STK24: variants seen among roughly 807,000 people sequenced by gnomAD.
STK24 encodes the protein serine/threonine-protein kinase 24.
Under a neutral mutation model 55.6 loss-of-function variants are expected in STK24, and 21 were observed. The observed-to-expected ratio is 0.38, with a 90% CI of 0.27 to 0.54. The LOEUF is 0.54. STK24 is among the 20% of genes least tolerant of loss of function. The probability of loss-of-function intolerance (pLI) is 0.79; values close to 1 mark genes in which losing one functional copy is unlikely to be tolerated. For missense variants in STK24, 383 were observed against 538.4 expected (o/e 0.71, Z 2.86); for synonymous variants, 200 against 215.2 (o/e 0.93, Z 0.62).
intron 2 of STK24, among the ~76,000 whole-genome samples, chr13:98,490,681 T>C (rs1894989932): frequency 6.6e-6 from 1 of 152,008 alleles, no homozygotes; most frequent in Admixed American, 6.6e-5. Flanking sequence ...CAGCCAGCAG[T>C]GACAGCTTCC....
intron 3 of STK24, among the ~76,000 whole-genome samples, chr13:98,478,210 C>T (rs144377908): frequency 2.2e-3 from 341 of 152,328 alleles, no homozygotes; most frequent in Non-Finnish European, 3.4e-3. Context: ...GCAGACTCTT[C>T]AAATAGGACC....
At chr13:98,486,346 C>T (rs1371758758) in intron 2 of STK24, among the ~76,000 whole-genome samples, 13 of 152,112 alleles carry the variant, frequency 8.5e-5, no homozygotes, top group Admixed American at 3.3e-4. Flanking sequence ...TCAACATGGG[C>T]GCCAGAAGAG....
At chr13:98,564,382 C>A (rs1317389894) in intron 1 of STK24, among the ~76,000 whole-genome samples, 1 of 152,214 alleles carries the variant, frequency 6.6e-6, no homozygotes, top group Non-Finnish European at 1.5e-5. Context: ...CTTACGAGGG[C>A]TCCCTAGGCA....
intron 2 of STK24, among the ~76,000 whole-genome samples, chr13:98,502,621 G>C (rs1223426906): frequency 2.6e-5 from 4 of 152,138 alleles, no homozygotes; most frequent in African/African-American, 7.2e-5. Context: ...TCGTTATACA[G>C]CAAGTCCTGT....
intron 2 of STK24, among the ~76,000 whole-genome samples, chr13:98,505,998 T>C (rs769844292): frequency 6.6e-6 from 1 of 152,196 alleles, no homozygotes; most frequent in Non-Finnish European, 1.5e-5. Flanking sequence ...AAAAGTTTGA[T>C]TCAAATATAT....
chr13:98,555,024 A>G (rs1462795344), intron 1 of STK24, among the ~76,000 whole-genome samples: 1 of 151,286 alleles, frequency 6.6e-6, no homozygotes, highest in Non-Finnish European at 1.5e-5. Context: ...CAAAAAAAAA[A>G]AAAAAAAAAA....
chr13:98,562,918 A>G (rs1232091629), intron 1 of STK24, among the ~76,000 whole-genome samples: 26 of 118,970 alleles, frequency 2.2e-4, no homozygotes, highest in Non-Finnish European at 3.7e-4. Context: ...TCCCTCTCTT[A>G]AAAAAAAAAA....
chr13:98,575,229 A>G (rs1461975166), intron 1 of STK24, among the ~76,000 whole-genome samples: 1 of 151,850 alleles, frequency 6.6e-6, no homozygotes. Flanking sequence ...CAGTCAGCAG[A>G]AGTTTAGGTT....
intron 2 of STK24, among the ~76,000 whole-genome samples, chr13:98,503,912 C>T (rs1566373036): frequency 6.6e-6 from 1 of 152,218 alleles, no homozygotes; most frequent in Non-Finnish European, 1.5e-5. Context: ...CTGCACAGTC[C>T]AGCGTCTGTT....
intron 2 of STK24, among the ~76,000 whole-genome samples, chr13:98,510,059 G>C (rs1895829913): frequency 6.6e-6 from 1 of 152,150 alleles, no homozygotes; most frequent in Non-Finnish European, 1.5e-5. Context: ...ATATATGTTT[G>C]AACTTGCTTC....
At chr13:98,528,779 G>A (rs1318145477) in intron 1 of STK24, among the ~76,000 whole-genome samples, 2 of 152,140 alleles carry the variant, frequency 1.3e-5, no homozygotes, top group Non-Finnish European at 2.9e-5. Context: ...AACTACTCTG[G>A]TTGAAACCAA....
intron 5 of STK24, among the ~76,000 whole-genome samples, chr13:98,472,747 C>A (rs1894200266): frequency 6.6e-6 from 1 of 152,156 alleles, no homozygotes; most frequent in Admixed American, 6.5e-5. Flanking sequence ...TTGCTTGGTA[C>A]CAGGCAACCT....
chr13:98,571,543 T>G (rs1897740127), intron 1 of STK24, among the ~76,000 whole-genome samples: 1 of 152,196 alleles, frequency 6.6e-6, no homozygotes, highest in Non-Finnish European at 1.5e-5. Flanking sequence ...AAAAAAACCT[T>G]GTGACCATCC....
At chr13:98,463,664 G>A (rs1175865818) in intron 7 of STK24, 27 bp downstream of exon 7, 1 of 1,609,376 alleles carries the variant, frequency 6.2e-7, no homozygotes, top group Non-Finnish European at 8.5e-7. Context: ...CCACACACAT[G>A]CTTGGGTCAC....
intron 1 of STK24, among the ~76,000 whole-genome samples, chr13:98,575,519 A>G (rs1897866154): frequency 6.6e-6 from 1 of 152,150 alleles, no homozygotes. Flanking sequence ...AAACCTGAAC[A>G]GTGAAATCCA....
Position 98,552,872 on chromosome 13 carries a change from C to T in STK24, c.42+23873G>A, listed in dbSNP as rs368651680. Among the ~76,000 whole-genome samples the T allele has an allele frequency of 1.3e-3, 204 of 152,288 alleles. 3 individuals carry two copies. The South Asian group carries it at 0.016, about 12-fold the overall frequency. ...CAGGCAGTGGAACTATCCTGTAGGA[C>T]GCTCCAGTGGTGGATGCATGTCACT... On this transcript the variant is annotated intron_variant, in intron 1 of 10. Coordinates refer to ENST00000539966, the MANE Select transcript of STK24 (RefSeq NM_001032296.4).
intron 1 of STK24, among the ~76,000 whole-genome samples, chr13:98,564,283 G>A (rs1481814926): frequency 6.6e-6 from 1 of 152,152 alleles, no homozygotes; most frequent in African/African-American, 2.4e-5. Flanking sequence ...AAACACCGGC[G>A]GGTATGCCCT....
In STK24 at chr13:98,514,417, GA is replaced by G. The variant is rs554630044; in HGVS notation, c.273+4825del. ...ACTTGGAAAGATGACTGTGAAGTGAGATTATGAACCTGTAACTACCCACAAT... is the reference window on the plus strand; with the variant it reads ...ACTTGGAAAGATGACTGTGAAGTGAGTTATGAACCTGTAACTACCCACAAT... On this transcript the variant is annotated intron_variant, in intron 2 of 10. Coordinates refer to ENST00000539966, the MANE Select transcript of STK24 (RefSeq NM_001032296.4). Among the ~76,000 whole-genome samples the G allele has an allele frequency of 6.1e-4, 93 of 152,350 alleles. 1 individual carries two copies. The highest frequency in any genetic ancestry group is 3.4e-3 in the Middle Eastern group (1 of 294).
At chr13:98,491,674 A>T (rs1895041097) in intron 2 of STK24, among the ~76,000 whole-genome samples, 2 of 146,810 alleles carry the variant, frequency 1.4e-5, no homozygotes, top group South Asian at 4.4e-4. Flanking sequence ...CAGCATTACA[A>T]ACATTCATTA....
Sources: gnomAD v4.1 joint callset for allele counts (sites outside exome capture counted in the v4.1 genomes callset) on GRCh38, gnomAD v4.1.1 for gene constraint, MANE v1.5 for transcripts, NCBI Gene and HGNC (gene_info 2026-07-23, HGNC 2026-07-21) for gene names.